The following BABAM2 variants were observed in gnomAD, a reference collection of about 807,000 sequenced individuals.
BABAM2 encodes the protein BRISC and BRCA1 A complex member 2.
In BABAM2, 31 loss-of-function variants were observed where a neutral mutation model predicts 54.7. That is an observed-to-expected ratio of 0.57 (90% CI 0.43 to 0.77). The LOEUF is 0.77. BABAM2 is among the 30% of genes least tolerant of loss of function. The pLI, the probability that BABAM2 is intolerant of heterozygous loss-of-function variation, is 0.00. For missense variants in BABAM2, 364 were observed against 455.8 expected, an observed-to-expected ratio of 0.80 and a Z score of 1.83; for synonymous variants, 167 against 162.9, an observed-to-expected ratio of 1.03 and a Z score of -0.19.
At chr2:28,011,377 T>C (rs1049195405) in intron 4 of BABAM2, among the ~76,000 whole-genome samples, 2 of 152,172 alleles carry the variant, frequency 1.3e-5, no homozygotes, top group Non-Finnish European at 1.5e-5. Flanking sequence ...TATAGCTGCA[T>C]GTGGCTGTTA....
intron 6 of BABAM2, among the ~76,000 whole-genome samples, chr2:28,121,119 G>A (rs999948523): frequency 2.0e-5 from 3 of 152,146 alleles, no homozygotes; most frequent in East Asian, 3.9e-4. Context: ...GTTGGAGATA[G>A]GCTGTAACTA....
At chr2:28,303,767 A>G (rs550272991) in intron 11 of BABAM2, among the ~76,000 whole-genome samples, 3 of 152,324 alleles carry the variant, frequency 2.0e-5, no homozygotes, top group South Asian at 2.1e-4. Context: ...CATTTTTACA[A>G]TACTGAATCT....
At chr2:28,199,903 G>A (rs903312247) in intron 7 of BABAM2, among the ~76,000 whole-genome samples, 1 of 152,036 alleles carries the variant, frequency 6.6e-6, no homozygotes, top group Non-Finnish European at 1.5e-5. Context: ...GTGTGGAGCT[G>A]GACGGTTCCT....
intron 10 of BABAM2, among the ~76,000 whole-genome samples, chr2:28,289,753 C>A (rs1217018534): frequency 6.6e-6 from 1 of 151,928 alleles, no homozygotes; most frequent in African/African-American, 2.4e-5. Flanking sequence ...ATCACGCTAC[C>A]ACACTCCACC....
intron 6 of BABAM2, among the ~76,000 whole-genome samples, chr2:28,067,452 A>G (rs755347490): frequency 6.6e-6 from 1 of 152,166 alleles, no homozygotes; most frequent in African/African-American, 2.4e-5. Context: ...CTCAATCTGT[A>G]ATACTCCACA....
At chr2:28,141,310 C>G (rs1055441595) in intron 7 of BABAM2, among the ~76,000 whole-genome samples, 1 of 87,788 alleles carries the variant, frequency 1.1e-5, no homozygotes, top group South Asian at 2.4e-4. Flanking sequence ...ACCCTAAACC[C>G]CCATGATGCC....
intron 7 of BABAM2, among the ~76,000 whole-genome samples, chr2:28,168,031 A>G (rs1673902342): frequency 1.3e-5 from 2 of 152,184 alleles, no homozygotes. Context: ...TATCTGAATA[A>G]GAGAGTTTTC....
chr2:28,160,733 TTG>T (rs1672997085), intron 7 of BABAM2, among the ~76,000 whole-genome samples: 3 of 120,652 alleles, frequency 2.5e-5, no homozygotes, highest in Admixed American at 8.3e-5. Flanking sequence ...AACATATAAA[TTG>T]TTTTTTTTTT....
chr2:28,338,643 C>A lies in BABAM2; in HGVS notation c.*130C>A. ...TTTTGCTCACACAGCAGCTTTTGCACGCCCCAGGCAGCCCCGACTGCTGAA... is the reference window on the plus strand; with the variant it reads ...TTTTGCTCACACAGCAGCTTTTGCAAGCCCCAGGCAGCCCCGACTGCTGAA... On this transcript the variant is annotated 3_prime_UTR_variant, in exon 12 of 12. Transcript: ENST00000379624. The A allele has an allele frequency of 9.0e-7, 1 of 1,106,280 alleles. No individual in the cohort carries two copies. The highest frequency in any genetic ancestry group is 2.4e-5 in the East Asian group (1 of 41,198). The allele number at this position is 1,106,280 out of a possible 1,614,324, so 68.5% of individuals were successfully genotyped here. A position where few individuals can be genotyped will look rare whatever the true frequency, so the allele number is the denominator to read the frequency against.
At chr2:27,963,469 CAAAA>C (rs760525051) in intron 3 of BABAM2, among the ~76,000 whole-genome samples, 2 of 54,404 alleles carry the variant, frequency 3.7e-5, no homozygotes, top group East Asian at 5.9e-4. Flanking sequence ...GACTCTTTCT[CAAAA>C]AAAAAAAAAA....
intron 6 of BABAM2, among the ~76,000 whole-genome samples, chr2:28,124,465 T>G (rs998534477): frequency 6.6e-6 from 1 of 152,228 alleles, no homozygotes; most frequent in Non-Finnish European, 1.5e-5. Flanking sequence ...ACCTGGGCTC[T>G]CCTTTTAAAG....
At chr2:28,333,383 C>T (rs1405107228) in intron 11 of BABAM2, among the ~76,000 whole-genome samples, 1 of 152,122 alleles carries the variant, frequency 6.6e-6, no homozygotes, top group Non-Finnish European at 1.5e-5. Context: ...GTTATGGCAC[C>T]CTGCTTTGTA....
intron 6 of BABAM2, among the ~76,000 whole-genome samples, chr2:28,114,717 C>T (rs1249461738): frequency 6.6e-6 from 1 of 152,100 alleles, no homozygotes; most frequent in East Asian, 1.9e-4. Context: ...TTAGACATGG[C>T]AAAAAGATTG....
chr2:28,128,879 TG>T (rs1032567469), intron 6 of BABAM2, among the ~76,000 whole-genome samples: 1 of 151,486 alleles, frequency 6.6e-6, no homozygotes, highest in Non-Finnish European at 1.5e-5. Context: ...TCAAGGTAGG[TG>T]TAAGAAAATT....
Position 27,989,984 on chromosome 2 carries a change from C to T in BABAM2, c.300+1897C>T, listed in dbSNP as rs999626285. On this transcript the variant is annotated intron_variant, in intron 4 of 11. Coordinates refer to ENST00000379624, the MANE Select transcript of BABAM2 (RefSeq NM_199191.3). ...TGTGTCAGACCTGATATTATAACACCACTCTTAAGATGTTTAGTCCCTGAG... is the reference window on the plus strand; with the variant it reads ...TGTGTCAGACCTGATATTATAACACTACTCTTAAGATGTTTAGTCCCTGAG... Among the ~76,000 whole-genome samples the T allele has an allele frequency of 1.2e-4, 19 of 152,168 alleles. No individual in the cohort carries two copies. In the East Asian group the frequency reaches 3.7e-3, roughly 29 times the overall value.
intron 10 of BABAM2, among the ~76,000 whole-genome samples, chr2:28,264,636 C>T (rs1310060808): frequency 6.6e-6 from 1 of 152,126 alleles, no homozygotes; most frequent in Non-Finnish European, 1.5e-5. Flanking sequence ...AGGTAGAGCC[C>T]ATTTGGATGG....
Position 28,259,034 on chromosome 2 carries a change from C to T in BABAM2, c.934+14172C>T, listed in dbSNP as rs981736307. Reference sequence around the variant, plus strand: ...TCATGATCCACCCACCTTGGCCTCCCAAAGTGCTAGGATTACAGGCTTCAG... The same window carrying T: ...TCATGATCCACCCACCTTGGCCTCCTAAAGTGCTAGGATTACAGGCTTCAG... On this transcript the variant is annotated intron_variant, in intron 10 of 11. Transcript: ENST00000379624. Among the ~76,000 whole-genome samples, 3 of 134,982 alleles carry T rather than the reference C, an allele frequency of 2.2e-5. No homozygotes were observed. The Admixed American group carries it at 2.5e-4, about 11-fold the overall frequency. The allele number at this position is 134,982 out of a possible 152,430, so 88.6% of individuals were successfully genotyped here. A position where few individuals can be genotyped will look rare whatever the true frequency, so the allele number is the denominator to read the frequency against.
chr2:28,278,121 G>A (rs2148185052), intron 10 of BABAM2, among the ~76,000 whole-genome samples: 1 of 152,282 alleles, frequency 6.6e-6, no homozygotes, highest in African/African-American at 2.4e-5. Flanking sequence ...GAAATAATGT[G>A]GAGATGAGAC....
chr2:28,095,783 GTC>G (rs1558330550), intron 6 of BABAM2, among the ~76,000 whole-genome samples: 1 of 152,166 alleles, frequency 6.6e-6, no homozygotes, highest in Non-Finnish European at 1.5e-5. Flanking sequence ...TCCGACAGCT[GTC>G]TCTGAGGTTT....
Sources: gnomAD v4.1 joint callset for allele counts (sites outside exome capture counted in the v4.1 genomes callset) on GRCh38, gnomAD v4.1.1 for gene constraint, MANE v1.5 for transcripts, NCBI Gene and HGNC (gene_info 2026-07-23, HGNC 2026-07-21) for gene names.